The following NCKAP5 variants were observed in gnomAD, a reference collection of about 807,000 sequenced individuals.
NCKAP5 encodes the protein nck-associated protein 5.
NCKAP5 carries 92 observed loss-of-function variants against 167.0 expected under a neutral mutation model. The observed-to-expected ratio is 0.55, with a 90% CI of 0.47 to 0.66. NCKAP5 has a LOEUF of 0.66. Among genes scored for constraint, NCKAP5 ranks in the 30% least tolerant of loss-of-function variants. NCKAP5 has a pLI of 0.00. For synonymous variants in NCKAP5, 891 were observed against 877.4 expected, an observed-to-expected ratio of 1.02 and a Z score of -0.27; for missense variants, 2,378 against 2,315.0, an observed-to-expected ratio of 1.03 and a Z score of -0.56.
Position 132,785,507 on chromosome 2 carries a change from C to A in NCKAP5, c.1304G>T (p.Gly435Val). Reference sequence around the variant, plus strand: ...ACTTTTAATTCCAGGAGAATATATTCCTTCATTCGAGTTCATGCAATCTTT... The same window carrying A: ...ACTTTTAATTCCAGGAGAATATATTACTTCATTCGAGTTCATGCAATCTTT... ...GYKDCMNSNE[G>V]IYSPGIKSSS... Residue 435 changes from glycine (G) to valine (V), a missense_variant, in exon 14 of 20, where the codon GGA becomes GTA. Transcript: ENST00000409261. 6.2e-7 allele frequency: 1 copy of A among 1,611,852 alleles called. No individual in the cohort carries two copies.
intron 2 of NCKAP5, chr2:133,527,239 T>A (rs190647774): frequency 1.3e-5 from 2 of 152,166 alleles, no homozygotes; most frequent in Admixed American, 1.3e-4. Flanking sequence ...GGATGTTTTT[T>A]GAAAATCCAG....
chr2:133,572,720 G>T (rs1221995782), upstream of NCKAP5, among the ~76,000 whole-genome samples: 2 of 152,170 alleles, frequency 1.3e-5, no homozygotes, highest in African/African-American at 2.4e-5. Context: ...ATATGGTCAG[G>T]AATAGGAAGC....
chr2:132,857,200 C>T lies in NCKAP5; in HGVS notation c.807+3292G>A, dbSNP rs540044036. Reference sequence around the variant, plus strand: ...TTTTTTTTAATTTGGCATCAACACACACTTTATACATTGTCTATGATTCCT... The same window carrying T: ...TTTTTTTTAATTTGGCATCAACACATACTTTATACATTGTCTATGATTCCT... On this transcript the variant is annotated intron_variant, in intron 11 of 19. Transcript: ENST00000409261. Among the ~76,000 whole-genome samples the T allele has an allele frequency of 1.4e-4, 22 of 151,844 alleles. 1 individual carries two copies. In the South Asian group the frequency reaches 4.6e-3, roughly 32 times the overall value.
intron 6 of NCKAP5, among the ~76,000 whole-genome samples, chr2:133,023,543 T>A (rs1038447749): frequency 6.6e-6 from 1 of 152,190 alleles, no homozygotes; most frequent in Non-Finnish European, 1.5e-5. Context: ...ATGAATCCCA[T>A]CACCCAGGTA....
the NCKAP5 span, among the ~76,000 whole-genome samples, chr2:133,651,576 T>C: frequency 1.3e-4 from 20 of 152,194 alleles, no homozygotes; most frequent in African/African-American, 4.8e-4. Context: ...AAATGTGACA[T>C]AATAAAGCCA....
intron 4 of NCKAP5, among the ~76,000 whole-genome samples, chr2:133,241,842 G>A (rs536391618): frequency 1.1e-4 from 16 of 152,150 alleles, no homozygotes; most frequent in East Asian, 9.7e-4. Context: ...AAAAATAGCC[G>A]GGCACGGTGG....
intron 7 of NCKAP5, among the ~76,000 whole-genome samples, chr2:132,968,817 A>C (rs2076741462): frequency 6.6e-6 from 1 of 152,154 alleles, no homozygotes. Flanking sequence ...AAATCTAAAG[A>C]ACTGTAGCTG....
At chr2:132,835,138 C>T (rs954666418) in intron 11 of NCKAP5, among the ~76,000 whole-genome samples, 3 of 152,080 alleles carry the variant, frequency 2.0e-5, no homozygotes, top group African/African-American at 7.2e-5. Context: ...TATGTTGAAC[C>T]ATCCTTGCAT....
chr2:133,308,237 C>T (rs1391481506), intron 3 of NCKAP5, among the ~76,000 whole-genome samples: 22 of 151,342 alleles, frequency 1.5e-4, no homozygotes, highest in African/African-American at 4.6e-4. Flanking sequence ...TACAGGCGCC[C>T]GCCACCACGC....
intron 3 of NCKAP5, among the ~76,000 whole-genome samples, chr2:133,468,883 A>T (rs1268065837): frequency 2.0e-5 from 3 of 151,934 alleles, no homozygotes; most frequent in Non-Finnish European, 4.4e-5. Flanking sequence ...CTCCATCCTT[A>T]GATTTTGAGC....
intron 12 of NCKAP5, among the ~76,000 whole-genome samples, chr2:132,791,357 G>A (rs1472829215): frequency 6.6e-6 from 1 of 152,172 alleles, no homozygotes; most frequent in Non-Finnish European, 1.5e-5. Context: ...CATCAGGTAG[G>A]TCTGGGTTTT....
At chr2:133,292,243 G>A (rs1052809654) in intron 4 of NCKAP5, among the ~76,000 whole-genome samples, 4 of 151,124 alleles carry the variant, frequency 2.6e-5, no homozygotes, top group Non-Finnish European at 5.9e-5. Flanking sequence ...AATTTTTCCA[G>A]TAAAATTAAA....
intron 10 of NCKAP5, 81 bp downstream of exon 10, chr2:132,868,855 A>G (rs909068082): frequency 1.9e-6 from 2 of 1,048,384 alleles, no homozygotes; most frequent in Non-Finnish European, 1.3e-6. Flanking sequence ...TCTATCAATC[A>G]CAATTTCCTA....
At chr2:133,210,143 C>A (rs1015010763) in intron 5 of NCKAP5, among the ~76,000 whole-genome samples, 6 of 129,612 alleles carry the variant, frequency 4.6e-5, no homozygotes, top group Non-Finnish European at 8.0e-5. Context: ...CTAGTCTGGG[C>A]AACAAGAGTG....
chr2:132,979,360 C>T (rs1415627925), intron 7 of NCKAP5, among the ~76,000 whole-genome samples: 1 of 152,098 alleles, frequency 6.6e-6, no homozygotes, highest in Non-Finnish European at 1.5e-5. Flanking sequence ...CTTCAGACAC[C>T]TCTGCTATTT....
At chr2:133,054,998 A>G (rs886466895) in intron 6 of NCKAP5, among the ~76,000 whole-genome samples, 7 of 152,226 alleles carry the variant, frequency 4.6e-5, no homozygotes, top group African/African-American at 1.7e-4. Flanking sequence ...GTCTATTGAT[A>G]TAACTCTTGA....
chr2:133,068,068 T>A (rs1204944761), intron 6 of NCKAP5, among the ~76,000 whole-genome samples: 1 of 152,158 alleles, frequency 6.6e-6, no homozygotes, highest in Non-Finnish European at 1.5e-5. Context: ...TCCACCCATA[T>A]TCCCAGCAGA....
chr2:133,020,365 A>AG (rs2078483499), intron 6 of NCKAP5, among the ~76,000 whole-genome samples: 2 of 152,216 alleles, frequency 1.3e-5, no homozygotes, highest in Non-Finnish European at 2.9e-5. Flanking sequence ...GCAAGGCACC[A>AG]CCACTTAGTC....
chr2:132,909,986 C>T (rs949824240), intron 8 of NCKAP5, among the ~76,000 whole-genome samples: 3 of 152,174 alleles, frequency 2.0e-5, no homozygotes, highest in African/African-American at 7.2e-5. Flanking sequence ...ATTTTACAGG[C>T]AACAATGCTT....
Sources: allele counts gnomAD v4.1 joint callset (sites outside exome capture counted in the v4.1 genomes callset), GRCh38; gene constraint gnomAD v4.1.1; transcripts MANE v1.5; gene names NCBI Gene and HGNC (gene_info 2026-07-23, HGNC 2026-07-21).